Variants in MICAL2 observed in about 807,000 individuals in gnomAD.
MICAL2 encodes [F-actin]-monooxygenase MICAL2.
MICAL2 carries 77 observed loss-of-function variants against 127.3 expected under a neutral mutation model. The observed-to-expected ratio is 0.60, with a 90% CI of 0.50 to 0.73. The LOEUF (loss-of-function observed/expected upper bound fraction) is 0.73. Among genes scored for constraint, MICAL2 ranks in the 30% least tolerant of loss-of-function variants. The pLI, the probability that MICAL2 is intolerant of heterozygous loss-of-function variation, is 0.00. For missense variants in MICAL2, 1,351 were observed against 1,434.4 expected, an observed-to-expected ratio of 0.94 and a Z score of 0.94; for synonymous variants, 570 against 551.1, an observed-to-expected ratio of 1.03 and a Z score of -0.48.
intron 3 of MICAL2, among the ~76,000 whole-genome samples, chr11:12,192,545 G>A (rs952168421): frequency 2.0e-5 from 3 of 152,230 alleles, no homozygotes; most frequent in African/African-American, 7.2e-5. Context: ...AGGCTGAGGC[G>A]GGCGGGTGAA....
rs754464134 is a variant in MICAL2 at position 12,208,114 on chromosome 11, G to T, written c.564G>T (p.Glu188Asp). The T allele has an allele frequency of 6.2e-7, 1 of 1,613,736 alleles. No homozygotes were observed. The highest frequency in any genetic ancestry group is 1.3e-5 in the African/African-American group (1 of 75,028). Residue 188 changes from glutamate (E) to aspartate (D), a missense_variant, in exon 5 of 28, where the codon GAG becomes GAT. Coordinates refer to ENST00000683283, the MANE Select transcript of MICAL2 (RefSeq NM_001282663.2). ...ATGTGGAGTTCGTGAAGGTTCTAGAGCCTCCTGAAGATCAAGAAAATCAAA... is the reference window on the plus strand; with the variant it reads ...ATGTGGAGTTCGTGAAGGTTCTAGATCCTCCTGAAGATCAAGAAAATCAAA... The part of the protein sequence containing the change: ...HVNVEFVKVL[E>D]PPEDQENQKI...
chr11:12,260,488 A>G (rs1862961036), intron 26 of MICAL2: 1 of 1,091,256 alleles, frequency 9.2e-7, no homozygotes, highest in Non-Finnish European at 1.1e-6. Context: ...ATTTTTCTAA[A>G]CATGGGTTTG....
upstream of MICAL2, among the ~76,000 whole-genome samples, chr11:12,273,485 A>T (rs955395099): frequency 1.9e-4 from 29 of 151,486 alleles, no homozygotes; most frequent in African/African-American, 7.0e-4. Context: ...CACAGCAAGC[A>T]TCCACACGCA....
intron 29 of MICAL2, among the ~76,000 whole-genome samples, chr11:12,308,961 T>G (rs933626061): frequency 6.6e-6 from 1 of 152,232 alleles, no homozygotes; most frequent in African/African-American, 2.4e-5. Flanking sequence ...CAAATGCTTT[T>G]TCTGCATCTG....
Position 12,202,586 on chromosome 11 carries a change from A to G in MICAL2, c.265-1664A>G, listed in dbSNP as rs1590327173. On this transcript the variant is annotated intron_variant, in intron 3 of 27. Coordinates refer to ENST00000683283, the MANE Select transcript of MICAL2 (RefSeq NM_001282663.2). ...CTCTCCTCTGTGAAAATCTTTTCCA[A>G]CCTACCAGGCAGGATTAGCTTTTCC... 2.0e-5 allele frequency among the ~76,000 whole-genome samples: 3 copies of G among 152,342 alleles called. 1 individual carries two copies. In the Middle Eastern group the frequency reaches 0.01, roughly 518 times the overall value.
chr11:12,225,933 G>A (rs142248359), intron 13 of MICAL2, among the ~76,000 whole-genome samples: 8 of 152,298 alleles, frequency 5.3e-5, no homozygotes, highest in African/African-American at 1.9e-4. Flanking sequence ...ATTTTCTGAT[G>A]GCTTTAGCCC....
At chr11:12,123,044 G>GT (rs553835730) in intron 1 of MICAL2, among the ~76,000 whole-genome samples, 128 of 150,680 alleles carry the variant, frequency 8.5e-4, no homozygotes, top group Non-Finnish European at 9.5e-4. Context: ...TTCAGAAATT[G>GT]TTTTTTTTTA....
intron 1 of MICAL2, among the ~76,000 whole-genome samples, chr11:12,135,787 C>G (rs1158518932): frequency 2.0e-5 from 3 of 152,164 alleles, no homozygotes; most frequent in African/African-American, 7.2e-5. Flanking sequence ...GGCTCAGCAC[C>G]TGAGTCTTTG....
At chr11:12,140,789 A>T (rs1338632816) in intron 2 of MICAL2, among the ~76,000 whole-genome samples, 1 of 152,170 alleles carries the variant, frequency 6.6e-6, no homozygotes, top group East Asian at 1.9e-4. Flanking sequence ...ACCTTCAGTG[A>T]CCCATCTAAT....
At chr11:12,155,064 G>A (rs1299260916) in intron 2 of MICAL2, among the ~76,000 whole-genome samples, 1 of 152,164 alleles carries the variant, frequency 6.6e-6, no homozygotes, top group Admixed American at 6.5e-5. Flanking sequence ...CACTGTGAGT[G>A]CCCGCTGTCA....
At position 12,158,626 on chromosome 11, in the gene MICAL2, T is replaced by C. The variant is rs141158029; in HGVS notation, c.-77-3453T>C. On this transcript the variant is annotated intron_variant, in intron 2 of 27. Coordinates refer to ENST00000683283, the MANE Select transcript of MICAL2 (RefSeq NM_001282663.2). Reference sequence around the variant, plus strand: ...CTTGTATTAGGTATTATAAGTAATCTAGAGATGATTTAAAGTATACGAGAG... The same window carrying C: ...CTTGTATTAGGTATTATAAGTAATCCAGAGATGATTTAAAGTATACGAGAG... Among the ~76,000 whole-genome samples the C allele has an allele frequency of 4.3e-3, 659 of 152,362 alleles. 2 individuals carry two copies. The highest frequency in any genetic ancestry group is 0.015 in the African/African-American group (634 of 41,578).
At chr11:12,268,095 G>A (rs1341508090), downstream of MICAL2, among the ~76,000 whole-genome samples, 1 of 152,224 alleles carries the variant, frequency 6.6e-6, no homozygotes, top group Non-Finnish European at 1.5e-5. Context: ...ACCTCAGACT[G>A]CAGAACATGC....
At chr11:12,323,832 G>C (rs549348662) in intron 30 of MICAL2, 1 of 920,170 alleles carries the variant, frequency 1.1e-6, no homozygotes, top group Admixed American at 3.2e-5. Flanking sequence ...TATCATTGCA[G>C]AGAGTTCTAC....
intron 3 of MICAL2, among the ~76,000 whole-genome samples, chr11:12,181,915 G>A (rs990518011): frequency 6.6e-6 from 1 of 152,196 alleles, no homozygotes; most frequent in African/African-American, 2.4e-5. Flanking sequence ...TAACTGAAAC[G>A]TAATATATTC....
downstream of MICAL2, among the ~76,000 whole-genome samples, chr11:12,267,362 G>A (rs1863620802): frequency 6.6e-6 from 1 of 152,130 alleles, no homozygotes; most frequent in Non-Finnish European, 1.5e-5. Context: ...TCTGGAGACT[G>A]CAATTCCCCT....
intron 31 of MICAL2, among the ~76,000 whole-genome samples, chr11:12,325,624 C>G (rs114787708): frequency 1.5e-3 from 231 of 152,314 alleles, no homozygotes; most frequent in African/African-American, 5.1e-3. Context: ...CTCACATGGT[C>G]TTTCTGTGAG....
intron 22 of MICAL2, chr11:12,254,043 C>T (rs957815077): frequency 6.6e-6 from 1 of 152,180 alleles, no homozygotes; most frequent in Admixed American, 6.5e-5. Flanking sequence ...AGAGTCACCT[C>T]GTTCCAGCAA....
At chr11:12,324,344 C>T (rs115404396) in intron 31 of MICAL2, among the ~76,000 whole-genome samples, 235 of 152,284 alleles carry the variant, frequency 1.5e-3, no homozygotes, top group African/African-American at 5.2e-3. Flanking sequence ...CAAGAGCCAA[C>T]GCATGGCCTT....
Position 12,242,254 on chromosome 11 carries a change from T to G in MICAL2, c.2378T>G (p.Leu793Arg). 6.2e-7 allele frequency: 1 copy of G among 1,613,460 alleles called. No homozygotes were observed. The highest frequency in any genetic ancestry group is 8.5e-7 in the Non-Finnish European group (1 of 1,179,524). The change falls in exon 19 of 28, where the codon CTC becomes CGC. Residue 793 changes from leucine to arginine, a missense_variant. This residue lies in a region of MICAL2 where 752 missense variants were observed against 719.4 expected (regional missense o/e 1.05). Transcript: ENST00000683283. ...VVVTGHVLRELKQVSAGSECL... is the reference protein window; with the variant it reads ...VVVTGHVLRERKQVSAGSECL... Reference sequence around the variant, plus strand: ...GTGACGGGGCACGTGCTCAGAGAGCTCAAGCAAGTGTCTGCTGGCAGTGAG... The same window carrying G: ...GTGACGGGGCACGTGCTCAGAGAGCGCAAGCAAGTGTCTGCTGGCAGTGAG...
Sources: allele counts gnomAD v4.1 joint callset (sites outside exome capture counted in the v4.1 genomes callset), GRCh38; gene constraint gnomAD v4.1.1; regional missense constraint gnomAD v4.1.1; transcripts MANE v1.5; gene names NCBI Gene and HGNC (gene_info 2026-07-23, HGNC 2026-07-21).